Variants in TRIM3 observed in about 807,000 individuals in gnomAD.
TRIM3 encodes tripartite motif containing 3.
TRIM3 carries 13 observed loss-of-function variants against 66.6 expected under a neutral mutation model. The observed-to-expected ratio is 0.20, with a 90% CI of 0.13 to 0.31. TRIM3 has a LOEUF of 0.31. TRIM3 is among the 10% of genes least tolerant of loss of function. TRIM3 has a pLI of 1.00. For synonymous variants in TRIM3, 406 were observed against 411.7 expected, an observed-to-expected ratio of 0.99 and a Z score of 0.17; for missense variants, 711 against 1,020.4, an observed-to-expected ratio of 0.70 and a Z score of 4.13.
Position 6,457,399 on chromosome 11 carries a change from A to T in TRIM3, c.593T>A (p.Leu198Gln). ...QQLQERKAEA[L>Q]AQISAAFEDL... ...CTCGAACGCTGCACTGATCTGGGCCAGGGCCTCTGCCTTGCGCTCCTGCAG... is the reference window on the plus strand; with the variant it reads ...CTCGAACGCTGCACTGATCTGGGCCTGGGCCTCTGCCTTGCGCTCCTGCAG... Residue 198 changes from leucine to glutamine, a missense_variant, in exon 5 of 12, where the codon CTG becomes CAG. By Grantham distance (113) the Leu-to-Gln change is moderately radical (BLOSUM62 -2). This residue lies in a region of TRIM3 where 399 missense variants were observed against 458.1 expected (regional missense o/e 0.87). Coordinates refer to ENST00000345851, the MANE Select transcript of TRIM3 (RefSeq NM_033278.4). The surrounding 1 kb of genome is among the most constrained non-coding windows in gnomAD (Gnocchi z 4.5). The T allele has an allele frequency of 6.2e-7, 1 of 1,613,778 alleles. No individual in the cohort carries two copies. Among genetic ancestry groups the T allele is most frequent in the Non-Finnish European group, 8.5e-7 (1 of 1,179,844 alleles).
intron 2 of TRIM3, among the ~76,000 whole-genome samples, chr11:6,464,163 A>G (rs748083778): frequency 1.3e-5 from 2 of 152,162 alleles, no homozygotes; most frequent in African/African-American, 2.4e-5. Context: ...CTCAGGGTAA[A>G]GGTGAAATTC....
In TRIM3 at chr11:6,456,307, G is replaced by C. The variant is rs1340032805; in HGVS notation, c.1419C>G (p.Val473=). ...RKDNPIEDEL[V]FRVGSRGREK... ...CTCGGCTGTCTGTACCAACACGGAAGACGAGCTCATCCTCAATTGGGTTGT... is the reference window on the plus strand; with the variant it reads ...CTCGGCTGTCTGTACCAACACGGAACACGAGCTCATCCTCAATTGGGTTGT... Residue 473 remains valine (V), a synonymous_variant, in exon 6 of 12, where the codon GTC becomes GTG. Coordinates refer to ENST00000345851, the MANE Select transcript of TRIM3 (RefSeq NM_033278.4). This position sits in a 1 kb window ranked among gnomAD's most constrained non-coding sequence, Gnocchi z 6.4. 1.9e-6 allele frequency: 3 copies of C among 1,553,652 alleles called. No individual in the cohort carries two copies. The highest frequency in any genetic ancestry group is 2.6e-6 in the Non-Finnish European group (3 of 1,146,248).
Position 6,449,492 on chromosome 11 carries a change from AG to A in TRIM3, c.1942-47del, listed in dbSNP as rs1306682534. On this transcript the variant is annotated intron_variant, in intron 10 of 11. Transcript: ENST00000345851. This position sits in a 1 kb window ranked among gnomAD's most constrained non-coding sequence, Gnocchi z 5.3. ...GGACTGGGGACCTGGCCTCAGGCAGAGGGTAGGGCTTTGGAGGAGGATAGGG... is the reference window on the plus strand; with the variant it reads ...GGACTGGGGACCTGGCCTCAGGCAGAGGTAGGGCTTTGGAGGAGGATAGGG... 6.3e-7 allele frequency: 1 copy of A among 1,582,070 alleles called. No homozygotes were observed. The highest frequency in any genetic ancestry group is 2.2e-5 in the East Asian group (1 of 44,486).
chr11:6,461,009 G>A (rs182414650), intron 2 of TRIM3, among the ~76,000 whole-genome samples: 294 of 144,944 alleles, frequency 2.0e-3, no homozygotes, highest in African/African-American at 7.1e-3. Context: ...GGGTTCAAGC[G>A]ATTCTCTTGC....
At position 6,458,473 on chromosome 11, in the gene TRIM3, C is replaced by A. The variant is rs1480607517; in HGVS notation, c.132-177G>T. 2 of 602,856 alleles carry A rather than the reference C, an allele frequency of 3.3e-6. No individual in the cohort carries two copies. Among genetic ancestry groups the A allele is most frequent in the Non-Finnish European group, 5.9e-6 (2 of 339,400 alleles). 37.3% of individuals were successfully genotyped at this position (602,856 alleles called of 1,614,324 possible). On this transcript the variant is annotated intron_variant, in intron 2 of 11. Coordinates refer to ENST00000345851, the MANE Select transcript of TRIM3 (RefSeq NM_033278.4). The surrounding 1 kb of genome is among the most constrained non-coding windows in gnomAD (Gnocchi z 6.2). ...GCAGGTATAATGGCCTTGCCCCTTACAACTGAGTAGGAACACACCCCGACC... is the reference window on the plus strand; with the variant it reads ...GCAGGTATAATGGCCTTGCCCCTTAAAACTGAGTAGGAACACACCCCGACC...
At chr11:6,468,693 G>GGAGATGAAGTT (rs1236771641) in intron 1 of TRIM3, among the ~76,000 whole-genome samples, 1 of 152,212 alleles carries the variant, frequency 6.6e-6, no homozygotes, top group African/African-American at 2.4e-5. Flanking sequence ...AGAGTAAATG[G>GGAGATGAAGTT]GAGATGAAGT....
rs540528710 is a variant in TRIM3 at position 6,470,466 on chromosome 11, T to C, written c.-38+3325A>G. On this transcript the variant is annotated intron_variant, in intron 1 of 11. Coordinates refer to ENST00000345851, the MANE Select transcript of TRIM3 (RefSeq NM_033278.4). ...TTGTCCAGGCTGGAATGTGGTGTTA[T>C]GATCATAGCTCACTGTAGCCTCAAA... Among the ~76,000 whole-genome samples, 18 of 152,314 alleles carry C rather than the reference T, an allele frequency of 1.2e-4. 1 individual carries two copies. Among genetic ancestry groups the C allele is most frequent in the African/African-American group, 3.6e-4 (15 of 41,566 alleles).
intron 7 of TRIM3, among the ~76,000 whole-genome samples, chr11:6,453,820 C>T (rs571319875): frequency 1.4e-4 from 21 of 152,308 alleles, no homozygotes; most frequent in Admixed American, 3.3e-4. Context: ...AAAGAGAAAA[C>T]GGTCATGTCG....
At chr11:6,471,571 C>T (rs764199742) in intron 1 of TRIM3, among the ~76,000 whole-genome samples, 2 of 152,230 alleles carry the variant, frequency 1.3e-5, no homozygotes, top group Admixed American at 6.5e-5. Flanking sequence ...CCAGGTCCTT[C>T]AGCTGTGAAA....
At chr11:6,460,215 A>G (rs142721039) in intron 2 of TRIM3, among the ~76,000 whole-genome samples, 1 of 152,316 alleles carries the variant, frequency 6.6e-6, no homozygotes, top group Non-Finnish European at 1.5e-5. Context: ...GGACAGGAAA[A>G]TGTCCACTGA....
rs768864995 is a variant in TRIM3, at chr11:6,456,349, T to C, written c.1377A>G (p.Thr459=). 1.3e-6 allele frequency: 2 copies of C among 1,540,412 alleles called. No individual in the cohort carries two copies. Among genetic ancestry groups the C allele is most frequent in the Admixed American group, 3.9e-5 (2 of 51,884 alleles). The part of the protein sequence containing the change: ...AVRRPSSMYS[T]GGKRKDNPIE... Reference sequence around the variant, plus strand: ...TTGGGTTGTCCTTTCGTTTGCCGCCTGTGCTGTACATGGAGCTGGGCCTAC... The same window carrying C: ...TTGGGTTGTCCTTTCGTTTGCCGCCCGTGCTGTACATGGAGCTGGGCCTAC... The change falls in exon 6 of 12, where the codon ACA becomes ACG. Residue 459 remains threonine, a synonymous_variant. Transcript: ENST00000345851. This position sits in a 1 kb window ranked among gnomAD's most constrained non-coding sequence, Gnocchi z 6.4.
intron 2 of TRIM3, among the ~76,000 whole-genome samples, chr11:6,464,221 T>C (rs889140343): frequency 6.6e-6 from 1 of 152,180 alleles, no homozygotes; most frequent in Non-Finnish European, 1.5e-5. Flanking sequence ...CACCTACCTC[T>C]CCAGCTTCAT....
chr11:6,463,277 TA>T (rs1443637483), intron 2 of TRIM3, among the ~76,000 whole-genome samples: 3 of 151,922 alleles, frequency 2.0e-5, no homozygotes, highest in Admixed American at 6.6e-5. Context: ...AAAATTAAAA[TA>T]AAAAAATAAA....
intron 1 of TRIM3, among the ~76,000 whole-genome samples, chr11:6,469,008 T>C (rs1014002322): frequency 1.1e-4 from 16 of 152,228 alleles, no homozygotes; most frequent in Admixed American, 3.9e-4. Flanking sequence ...TCTGCTGATG[T>C]AGACACTGGC....
Position 6,449,538 on chromosome 11 carries a change from A to C in TRIM3, c.1942-92T>G. Reference sequence around the variant, plus strand: ...ATAGGGTGAAGCCCCAGGGCTGAGAACCCCCACCCAGATCTACAGCTACAG... The same window carrying C: ...ATAGGGTGAAGCCCCAGGGCTGAGACCCCCCACCCAGATCTACAGCTACAG... On this transcript the variant is annotated intron_variant, in intron 10 of 11. Coordinates refer to ENST00000345851, the MANE Select transcript of TRIM3 (RefSeq NM_033278.4). This position sits in a 1 kb window ranked among gnomAD's most constrained non-coding sequence, Gnocchi z 5.3. 3 of 1,263,288 alleles carry C rather than the reference A, an allele frequency of 2.4e-6. No homozygotes were observed. The highest frequency in any genetic ancestry group is 3.2e-6 in the Non-Finnish European group (3 of 930,696). 78.3% of individuals were successfully genotyped at this position (1,263,288 alleles called of 1,614,324 possible).
chr11:6,458,414 T>A lies in TRIM3; in HGVS notation c.132-118A>T. 3.7e-6 allele frequency: 3 copies of A among 805,258 alleles called. No homozygotes were observed. Among genetic ancestry groups the A allele is most frequent in the Non-Finnish European group, 4.0e-6 (2 of 504,036 alleles). 49.9% of individuals were successfully genotyped at this position (805,258 alleles called of 1,614,324 possible). ...ACAGGTGTGCCATTACACTTCATTT[T>A]AAAACCTCTCTGCTTGACACATCTC... On this transcript the variant is annotated intron_variant, in intron 2 of 11. Coordinates refer to ENST00000345851, the MANE Select transcript of TRIM3 (RefSeq NM_033278.4). The surrounding 1 kb of genome is among the most constrained non-coding windows in gnomAD (Gnocchi z 6.2).
intron 7 of TRIM3, among the ~76,000 whole-genome samples, chr11:6,453,649 AG>A (rs1564963296): frequency 6.6e-6 from 1 of 152,378 alleles, no homozygotes; most frequent in East Asian, 1.9e-4. Flanking sequence ...GAGTTTTCAC[AG>A]AAGAGCTGAT....
intron 2 of TRIM3, among the ~76,000 whole-genome samples, chr11:6,460,173 G>A (rs532157026): frequency 5.9e-5 from 9 of 152,338 alleles, no homozygotes; most frequent in Admixed American, 2.0e-4. Flanking sequence ...AGTCATCAGC[G>A]TTAAAAGCAG....
At chr11:6,470,127 G>A (rs1276057834) in intron 1 of TRIM3, among the ~76,000 whole-genome samples, 4 of 152,234 alleles carry the variant, frequency 2.6e-5, no homozygotes, top group Non-Finnish European at 5.9e-5. Context: ...TAAGTATAGA[G>A]TGACAAAAGT....
Sources: allele counts gnomAD v4.1 joint callset (sites outside exome capture counted in the v4.1 genomes callset), GRCh38; gene constraint gnomAD v4.1.1; regional missense constraint gnomAD v4.1.1; non-coding constraint Gnocchi (gnomAD v3.1); transcripts MANE v1.5; gene names NCBI Gene and HGNC (gene_info 2026-07-23, HGNC 2026-07-21).